The following CRHR2 variants were observed in gnomAD, a reference collection of about 807,000 sequenced individuals.
CRHR2 encodes the protein corticotropin-releasing hormone receptor 2.
Under a neutral mutation model 57.9 loss-of-function variants are expected in CRHR2, and 53 were observed. That is an observed-to-expected ratio of 0.92 (90% CI 0.73 to 1.15). CRHR2 has a LOEUF of 1.15. CRHR2 is among the 50% of genes most tolerant of loss of function. The pLI, the probability that CRHR2 is intolerant of heterozygous loss-of-function variation, is 0.00. For missense variants in CRHR2, 532 were observed against 542.6 expected (o/e 0.98, Z 0.19); for synonymous variants, 213 against 220.9 (o/e 0.96, Z 0.32).
rs373214175 is a variant in CRHR2 at position 30,665,481 on chromosome 7, G to A, written c.425+49C>T. The A allele has an allele frequency of 3.0e-5, 42 of 1,416,316 alleles. No individual in the cohort carries two copies. The highest frequency in any genetic ancestry group is 3.8e-5 in the Non-Finnish European group (39 of 1,024,994). The allele number at this position is 1,416,316 out of a possible 1,614,324, so 87.7% of individuals were successfully genotyped here. ...AATGTCTGGGAGAGGTGAAGGGGGTGCTGTAGGGGGAGGGATGAGGAGAAA... is the reference window on the plus strand; with the variant it reads ...AATGTCTGGGAGAGGTGAAGGGGGTACTGTAGGGGGAGGGATGAGGAGAAA... On this transcript the variant is annotated intron_variant, in intron 4 of 11. Coordinates refer to ENST00000471646, the MANE Select transcript of CRHR2 (RefSeq NM_001883.5). This position sits in a 1 kb window ranked among gnomAD's most constrained non-coding sequence, Gnocchi z 4.5.
intron 2 of CRHR2, among the ~76,000 whole-genome samples, chr7:30,676,702 C>G (rs1784527710): frequency 6.6e-6 from 1 of 152,242 alleles, no homozygotes; most frequent in African/African-American, 2.4e-5. Flanking sequence ...CTTATCACCT[C>G]TGACTCTTAG....
In CRHR2 at chr7:30,665,192, G is replaced by A. The variant is rs747834580; in HGVS notation, c.426-5C>T. The A allele has an allele frequency of 1.2e-6, 2 of 1,612,786 alleles. No individual in the cohort carries two copies. The highest frequency in any genetic ancestry group is 1.3e-5 in the African/African-American group (1 of 74,894). On this transcript the variant is annotated splice_region_variant and splice_polypyrimidine_tract_variant and intron_variant, in intron 4 of 11. Transcript: ENST00000471646. This position sits in a 1 kb window ranked among gnomAD's most constrained non-coding sequence, Gnocchi z 4.5. ...TTCCGCAGACAGCGAATGCTCCTGT[G>A]GGAGGTGCAGGTCAGGGGTCAGCCA...
rs568508323 is a variant in CRHR2, at chr7:30,695,576, C to T, written c.-261+4368G>A. Among the ~76,000 whole-genome samples the T allele has an allele frequency of 8.0e-3, 1,217 of 152,100 alleles. 13 individuals are homozygous for T. The highest frequency in any genetic ancestry group is 0.014 in the Non-Finnish European group (978 of 67,986). ...GGAGGGGAGGGAGAGGTGACTTGGC[C>T]CAACATAGGGGCAGGAACTGGCCAG... On this transcript the variant is annotated intron_variant, in intron 1 of 13. Transcript: ENST00000341843.
chr7:30,682,907 A>T (rs575835884), upstream of CRHR2, among the ~76,000 whole-genome samples: 48 of 152,218 alleles, frequency 3.2e-4, no homozygotes, highest in Admixed American at 7.8e-4. Context: ...TGCATCCTCC[A>T]AAAGCCTCCA....
chr7:30,659,637 A>C (rs1015482721), intron 8 of CRHR2, among the ~76,000 whole-genome samples: 5 of 152,224 alleles, frequency 3.3e-5, no homozygotes, highest in Non-Finnish European at 5.9e-5. Context: ...AGTCTTCATC[A>C]GTTCACATAT....
At chr7:30,684,227 C>T (rs1485196621), upstream of CRHR2, among the ~76,000 whole-genome samples, 1 of 152,228 alleles carries the variant, frequency 6.6e-6, no homozygotes, top group Non-Finnish European at 1.5e-5. Flanking sequence ...CTAGACTGAG[C>T]CCTGTTACCC....
At position 30,662,710 on chromosome 7, in the gene CRHR2, G is replaced by C. The variant is rs923063440; in HGVS notation, c.681C>G (p.Phe227Leu). Residue 227 changes from phenylalanine (F) to leucine (L), a missense_variant, in exon 6 of 12, where the codon TTC (phenylalanine) becomes TTG (leucine). By Grantham distance (22) the Phe-to-Leu change is conservative. Transcript: ENST00000471646. ...GACCCTCACACCATCCGATGAAGAG[G>C]AAGAGGCACTTGCGCAGGCGCTCAG... ...YSTERLRKCLFLFIGWCIPFP... is the reference protein window; with the variant it reads ...YSTERLRKCLLLFIGWCIPFP... 6.2e-7 allele frequency: 1 copy of C among 1,614,076 alleles called. No homozygotes were observed. Among genetic ancestry groups the C allele is most frequent in the Non-Finnish European group, 8.5e-7 (1 of 1,179,944 alleles).
chr7:30,694,017 G>C (rs757360945), intron 1 of CRHR2, among the ~76,000 whole-genome samples: 2 of 152,200 alleles, frequency 1.3e-5, no homozygotes, highest in Non-Finnish European at 2.9e-5. Context: ...GAGACTGACT[G>C]TAGGCTGTGG....
Position 30,656,018 on chromosome 7 carries a change from G to T in CRHR2, c.832-6C>A. ...AACAGAAATACGAAATTGATCTGGA[G>T]GGAGGGCGGGCATGGGAAAGAGGGA... On this transcript the variant is annotated splice_region_variant and splice_polypyrimidine_tract_variant and intron_variant, in intron 8 of 11. Transcript: ENST00000471646. The surrounding 1 kb of genome is among the most constrained non-coding windows in gnomAD (Gnocchi z 4.4). 1 of 1,612,178 alleles carries T rather than the reference G, an allele frequency of 6.2e-7. No homozygotes were observed. Among genetic ancestry groups the T allele is most frequent in the Non-Finnish European group, 8.5e-7 (1 of 1,178,246 alleles).
At chr7:30,692,630 T>A (rs745786828) in intron 1 of CRHR2, among the ~76,000 whole-genome samples, 1 of 151,970 alleles carries the variant, frequency 6.6e-6, no homozygotes, top group Non-Finnish European at 1.5e-5. Flanking sequence ...AACTGCACCA[T>A]CTGGTATGGA....
At chr7:30,687,710 C>T (rs1051352407) in intron 2 of CRHR2, among the ~76,000 whole-genome samples, 2 of 152,200 alleles carry the variant, frequency 1.3e-5, no homozygotes, top group African/African-American at 2.4e-5. Flanking sequence ...GCACTCAGAG[C>T]GGGGACCATC....
rs531882245 is a variant in CRHR2 at position 30,676,415 on chromosome 7, T to C, written c.229+5500A>G. 4.6e-4 allele frequency among the ~76,000 whole-genome samples: 70 copies of C among 152,266 alleles called. 1 individual carries two copies. Among genetic ancestry groups the C allele is most frequent in the African/African-American group, 1.6e-3 (67 of 41,564 alleles). ...TCGCTGGAGTCTGAGAATGCAGACC[T>C]GAGTTTCCGGATTTACAGCTTCTAC... On this transcript the variant is annotated intron_variant, in intron 2 of 11. Transcript: ENST00000471646.
rs746890889 is a variant in CRHR2, at chr7:30,653,425, G to C, written c.*35C>G. Reference sequence around the variant, plus strand: ...GAACCCAGAGGAAGAAGGTGGAGGAGGACAGGGGAGCTGTGCAGGTGGGCG... The same window carrying C: ...GAACCCAGAGGAAGAAGGTGGAGGACGACAGGGGAGCTGTGCAGGTGGGCG... On this transcript the variant is annotated 3_prime_UTR_variant, in exon 12 of 12. Coordinates refer to ENST00000471646, the MANE Select transcript of CRHR2 (RefSeq NM_001883.5). The surrounding 1 kb of genome is among the most constrained non-coding windows in gnomAD (Gnocchi z 5.0). The C allele has an allele frequency of 6.2e-6, 10 of 1,607,130 alleles. No homozygotes were observed. The highest frequency in any genetic ancestry group is 7.6e-6 in the Non-Finnish European group (9 of 1,176,736).
At chr7:30,691,423 G>A (rs1469601410) in intron 1 of CRHR2, among the ~76,000 whole-genome samples, 1 of 152,212 alleles carries the variant, frequency 6.6e-6, no homozygotes, top group Non-Finnish European at 1.5e-5. Context: ...CCATCACTGA[G>A]GTGATCTCCT....
At chr7:30,685,953 C>T (rs1208072356), upstream of CRHR2, among the ~76,000 whole-genome samples, 1 of 152,098 alleles carries the variant, frequency 6.6e-6, no homozygotes, top group African/African-American at 2.4e-5. Flanking sequence ...TCATCTATCC[C>T]TCATCCTCAC....
chr7:30,682,246 G>A lies in CRHR2; in HGVS notation c.35C>T (p.Ala12Val). Reference sequence around the variant, plus strand: ...TTCAGCCAGCGCCAGGCTGCAGTTGGCCTCCAGCAGGCTGTGGAGCAGTGC... The same window carrying A: ...TTCAGCCAGCGCCAGGCTGCAGTTGACCTCCAGCAGGCTGTGGAGCAGTGC... ...DAALLHSLLE[A>V]NCSLALAEEL... The change falls in exon 1 of 12, where the codon GCC becomes GTC. Residue 12 changes from alanine to valine, a missense_variant. Transcript: ENST00000471646. The A allele has an allele frequency of 6.3e-7, 1 of 1,588,240 alleles. No individual in the cohort carries two copies.
At chr7:30,664,999 A>T in intron 5 of CRHR2, 71 bp downstream of exon 5, 1 of 1,250,364 alleles carries the variant, frequency 8.0e-7, no homozygotes, top group Non-Finnish European at 1.2e-6. Context: ...AGCAGAGACC[A>T]GACAGACAGA....
intron 1 of CRHR2, chr7:30,699,885 A>C (rs1165073113): frequency 7.2e-7 from 1 of 1,390,040 alleles, no homozygotes; most frequent in African/African-American, 1.5e-5. Context: ...TAGTCATGAG[A>C]GCTGGGAGCT....
Position 30,665,450 on chromosome 7 carries a change from G to C in CRHR2, c.425+80C>G. The C allele has an allele frequency of 8.1e-7, 1 of 1,239,130 alleles. No homozygotes were observed. The allele number at this position is 1,239,130 out of a possible 1,614,324, so 76.8% of individuals were successfully genotyped here. A position where few individuals can be genotyped will look rare whatever the true frequency, so the allele number is the denominator to read the frequency against. The stretch of plus-strand genomic sequence containing the variant: ...TTTATCTGCTGGGCCCCAGAATGGA[G>C]GTGAGAATGTCTGGGAGAGGTGAAG... On this transcript the variant is annotated intron_variant, in intron 4 of 11. Coordinates refer to ENST00000471646, the MANE Select transcript of CRHR2 (RefSeq NM_001883.5). The surrounding 1 kb of genome is among the most constrained non-coding windows in gnomAD (Gnocchi z 4.5).
Sources: gnomAD v4.1 joint callset for allele counts (sites outside exome capture counted in the v4.1 genomes callset) on GRCh38, gnomAD v4.1.1 for gene constraint, Gnocchi (gnomAD v3.1) non-coding constraint, MANE v1.5 for transcripts, NCBI Gene and HGNC (gene_info 2026-07-23, HGNC 2026-07-21) for gene names.